CLOCK: variants seen among roughly 807,000 people sequenced by gnomAD.
CLOCK encodes circadian locomoter output cycles protein kaput.
In CLOCK, 43 loss-of-function variants were observed where a neutral mutation model predicts 118.4. The ratio of observed to expected loss-of-function variants is 0.36; its 90% confidence interval spans 0.28 to 0.47. The LOEUF (loss-of-function observed/expected upper bound fraction) is 0.47, where lower values mean the gene tolerates loss of function less well. CLOCK is among the 20% of genes least tolerant of loss of function. The probability of loss-of-function intolerance (pLI) is 1.00; values close to 1 mark genes in which losing one functional copy is unlikely to be tolerated. For synonymous variants in CLOCK, 326 were observed against 339.2 expected, an observed-to-expected ratio of 0.96 and a Z score of 0.43; for missense variants, 846 against 999.9, an observed-to-expected ratio of 0.85 and a Z score of 2.08.
intron 18 of CLOCK, among the ~76,000 whole-genome samples, chr4:55,448,440 C>G (rs529477533): frequency 3.1e-4 from 47 of 152,204 alleles, no homozygotes; most frequent in Admixed American, 1.3e-3. Context: ...TCTTATGCAT[C>G]CTGAAAGATA....
chr4:55,458,367 G>A (rs890528689), intron 11 of CLOCK, among the ~76,000 whole-genome samples: 2 of 152,040 alleles, frequency 1.3e-5, no homozygotes, highest in South Asian at 2.1e-4. Context: ...TGGCCCCGCC[G>A]AAATTTTAAA....
At chr4:55,456,124 C>A in intron 12 of CLOCK, 94 bp downstream of exon 12, 1 of 1,314,606 alleles carries the variant, frequency 7.6e-7, no homozygotes, top group African/African-American at 1.5e-5. Flanking sequence ...GTTTCAAAGT[C>A]CTAATTTAAA....
rs1204652112 is a variant in CLOCK at position 55,475,953 on chromosome 4, C to T, written c.348+10G>A. The T allele has an allele frequency of 1.3e-6, 2 of 1,589,278 alleles. No homozygotes were observed. The highest frequency in any genetic ancestry group is 8.6e-7 in the Non-Finnish European group (1 of 1,158,384). ...AAAATAAAACTTTCAAAAATTAAATCTGGACATACCTCTAACATTAATTGT... is the reference window on the plus strand; with the variant it reads ...AAAATAAAACTTTCAAAAATTAAATTTGGACATACCTCTAACATTAATTGT... On this transcript the variant is annotated intron_variant, in intron 7 of 22. Transcript: ENST00000513440.
In CLOCK at chr4:55,453,069, C is replaced by T. The variant is rs775515413; in HGVS notation, c.1191G>A (p.Glu397=). 2.5e-6 allele frequency: 4 copies of T among 1,610,194 alleles called. No homozygotes were observed. The highest frequency in any genetic ancestry group is 2.5e-6 in the Non-Finnish European group (3 of 1,177,536). ...RELGIEESLP[E]TAADKSQDSG... is the part of the protein sequence containing the mutation. ...AGAAACATACTTTGTCAGCAGCTGTCTCAGGAAGAGACTCTTCAATGCCAA... is the reference window on the plus strand; with the variant it reads ...AGAAACATACTTTGTCAGCAGCTGTTTCAGGAAGAGACTCTTCAATGCCAA... The change falls in exon 15 of 23, where the codon GAG becomes GAA. Residue 397 remains glutamate (E), a synonymous_variant. Coordinates refer to ENST00000513440, the MANE Select transcript of CLOCK (RefSeq NM_004898.4).
At chr4:55,508,124 C>T (rs1007053750) in intron 2 of CLOCK, among the ~76,000 whole-genome samples, 4 of 152,160 alleles carry the variant, frequency 2.6e-5, no homozygotes, top group African/African-American at 9.7e-5. Flanking sequence ...GTTACTTAAC[C>T]ATATCCTTTA....
Position 55,463,769 on chromosome 4 carries a change from G to A in CLOCK, c.475C>T (p.Pro159Ser). The part of the protein sequence containing the change: ...LVDQSIFNFI[P>S]EGEHSEVYKI... ...TAAACCTCTGAATGTTCCCCTTCTG[G>A]GATAAAATTAAATATACTTTGATCC... The change falls in exon 9 of 23, where the codon CCA becomes TCA. Residue 159 changes from proline to serine, a missense_variant. Transcript: ENST00000513440. 6.2e-6 allele frequency: 10 copies of A among 1,611,342 alleles called. No homozygotes were observed. The highest frequency in any genetic ancestry group is 6.8e-6 in the Non-Finnish European group (8 of 1,178,272).
At chr4:55,500,212 A>G (rs1331706237) in intron 2 of CLOCK, among the ~76,000 whole-genome samples, 1 of 152,186 alleles carries the variant, frequency 6.6e-6, no homozygotes. Flanking sequence ...ATGGTAAGCT[A>G]AGCACTACAC....
chr4:55,515,991 T>TTA (rs1729485727), intron 1 of CLOCK, among the ~76,000 whole-genome samples: 1 of 152,228 alleles, frequency 6.6e-6, no homozygotes, highest in African/African-American at 2.4e-5. Context: ...CATGTGTTGT[T>TTA]TAATCTTCAA....
At chr4:55,494,530 A>AT (rs1727926877) in intron 2 of CLOCK, among the ~76,000 whole-genome samples, 2 of 152,140 alleles carry the variant, frequency 1.3e-5, no homozygotes, top group Admixed American at 6.6e-5. Flanking sequence ...AGTTAAAGGC[A>AT]TAAGAATGAT....
chr4:55,506,899 T>TG (rs1388887729), intron 2 of CLOCK, among the ~76,000 whole-genome samples: 1 of 152,202 alleles, frequency 6.6e-6, no homozygotes, highest in East Asian at 1.9e-4. Flanking sequence ...ATGAGGAGGT[T>TG]TCCAGGTTTC....
chr4:55,532,738 T>C (rs1170486851), intron 1 of CLOCK, among the ~76,000 whole-genome samples: 2 of 152,014 alleles, frequency 1.3e-5, no homozygotes, highest in African/African-American at 2.4e-5. Context: ...TCCCAGCTTC[T>C]TGGGAGGCTG....
At chr4:55,453,959 A>G in intron 13 of CLOCK, 135 bp from the exon 14 acceptor site, 1 of 671,178 alleles carries the variant, frequency 1.5e-6, no homozygotes, top group Non-Finnish European at 2.5e-6. Context: ...ATATATGTCA[A>G]TATGAAAATG....
At chr4:55,491,234 T>TAAAAAAAAAAAAAAAAAA (rs34441416) in intron 2 of CLOCK, among the ~76,000 whole-genome samples, 1 of 44,342 alleles carries the variant, frequency 2.3e-5, no homozygotes, top group Admixed American at 3.0e-4. Flanking sequence ...GCAGGTGTGC[T>TAAAAAAAAAAAAAAAAAA]AAAAAAAAAA....
In CLOCK at chr4:55,432,991, T is replaced by G. The variant is rs1722619454; in HGVS notation, c.*2424A>C. 2.0e-5 allele frequency: 3 copies of G among 152,596 alleles called. No homozygotes were observed. Among genetic ancestry groups the G allele is most frequent in the African/African-American group, 7.2e-5 (3 of 41,436 alleles). The allele number at this position is 152,596 out of a possible 1,614,324, so 9.5% of individuals were successfully genotyped here. On this transcript the variant is annotated 3_prime_UTR_variant, in exon 23 of 23. Coordinates refer to ENST00000513440, the MANE Select transcript of CLOCK (RefSeq NM_004898.4). The stretch of plus-strand genomic sequence containing the variant: ...TACTCACAGTTCACCATCTTTTAAG[T>G]GTGGTATGTAGAGGACAGGCCTCAA...
intron 8 of CLOCK, among the ~76,000 whole-genome samples, chr4:55,464,835 A>G (rs148596183): frequency 6.6e-6 from 1 of 152,264 alleles, no homozygotes; most frequent in East Asian, 1.9e-4. Flanking sequence ...CAAAAACCGC[A>G]ATCACTTTTG....
chr4:55,483,141 A>G (rs1236897668), intron 3 of CLOCK, among the ~76,000 whole-genome samples: 1 of 152,208 alleles, frequency 6.6e-6, no homozygotes, highest in African/African-American at 2.4e-5. Flanking sequence ...AATAGTCTGT[A>G]ATAACACCAT....
At chr4:55,452,967 G>GA (rs1273532156) in intron 15 of CLOCK, 87 bp downstream of exon 15, 20 of 925,400 alleles carry the variant, frequency 2.2e-5, no homozygotes, top group African/African-American at 1.9e-4. Context: ...AAGTATTTTT[G>GA]AAAAATAGTT....
intron 21 of CLOCK, among the ~76,000 whole-genome samples, chr4:55,439,661 A>T (rs148787736): frequency 6.6e-6 from 1 of 152,190 alleles, no homozygotes; most frequent in East Asian, 1.9e-4. Flanking sequence ...GTAGAGTAGA[A>T]TATTACTTAG....
intron 21 of CLOCK, among the ~76,000 whole-genome samples, chr4:55,439,619 C>T (rs1166495395): frequency 1.3e-5 from 2 of 152,184 alleles, no homozygotes; most frequent in African/African-American, 4.8e-5. Flanking sequence ...CCCAAGACTC[C>T]ATTGACAGAC....
Sources: allele counts gnomAD v4.1 joint callset (sites outside exome capture counted in the v4.1 genomes callset), GRCh38; gene constraint gnomAD v4.1.1; transcripts MANE v1.5; gene names NCBI Gene and HGNC (gene_info 2026-07-23, HGNC 2026-07-21).